SVOPL: variants seen among roughly 807,000 people sequenced by gnomAD.
The protein encoded by SVOPL is SVOP like, also known as putative transporter SVOPL.
In SVOPL, 60 loss-of-function variants were observed where a neutral mutation model predicts 61.0. The observed-to-expected ratio is 0.98, with a 90% CI of 0.80 to 1.22. SVOPL has a LOEUF of 1.22. Among genes scored for constraint, SVOPL ranks in the 50% most tolerant of loss-of-function variants. The probability of loss-of-function intolerance (pLI) is 0.00; values close to 1 mark genes in which losing one functional copy is unlikely to be tolerated. For missense variants in SVOPL, 662 were observed against 643.9 expected (o/e 1.03, Z -0.30); for synonymous variants, 279 against 250.0 (o/e 1.12, Z -1.09).
intron 14 of SVOPL, among the ~76,000 whole-genome samples, chr7:138,617,573 G>A (rs934831156): frequency 1.3e-5 from 2 of 152,156 alleles, no homozygotes; most frequent in Non-Finnish European, 2.9e-5. Flanking sequence ...CTGAGGCCAG[G>A]CTCAGCGGTT....
At chr7:138,660,052 C>T in intron 5 of SVOPL, 64 bp from the exon 6 acceptor site, 1 of 1,535,454 alleles carries the variant, frequency 6.5e-7, no homozygotes, top group Non-Finnish European at 8.8e-7. Flanking sequence ...GAAGCCCTAA[C>T]TTCTGAAGGC....
intron 3 of SVOPL, among the ~76,000 whole-genome samples, chr7:138,678,089 C>T (rs1275605916): frequency 6.6e-6 from 1 of 152,124 alleles, no homozygotes; most frequent in Non-Finnish European, 1.5e-5. Flanking sequence ...TTAACTTGAA[C>T]ATCTCCTTTC....
chr7:138,698,057 A>C (rs79200700), intron 1 of SVOPL, among the ~76,000 whole-genome samples: 2,509 of 151,650 alleles, frequency 0.017, 73 homozygotes, highest in African/African-American at 0.056. Flanking sequence ...GTTGGCAGGA[A>C]TGGAGAGAGG....
At chr7:138,637,463 T>TATATATATATAGATATAG (rs1554463004) in intron 9 of SVOPL, among the ~76,000 whole-genome samples, 8 of 19,076 alleles carry the variant, frequency 4.2e-4, no homozygotes, top group African/African-American at 1.1e-3. Context: ...TAGATATATA[T>TATATATATATAGATATAG]ATATAGATAT....
chr7:138,644,590 G>T, intron 9 of SVOPL, 127 bp downstream of exon 9: 3 of 1,315,186 alleles, frequency 2.3e-6, no homozygotes, highest in Non-Finnish European at 3.0e-6. Flanking sequence ...CATCTTTCCT[G>T]GCCATCGCCC....
intron 1 of SVOPL, among the ~76,000 whole-genome samples, chr7:138,697,758 AAAGAAG>A (rs969309567): frequency 1.3e-5 from 2 of 150,964 alleles, no homozygotes; most frequent in Non-Finnish European, 2.9e-5. Context: ...AGGAGAAGAA[AAAGAAG>A]AAGGAGAAGG....
At position 138,661,915 on chromosome 7, in the gene SVOPL, G is replaced by A. The variant is rs966469235; in HGVS notation, c.345+1159C>T. On this transcript the variant is annotated intron_variant, in intron 5 of 15. Transcript: ENST00000674285. ...TCAATATTTCTGGCATAGCTGGCAA[G>A]GTTCAGAGCAACACCACCCCTTACC... 3.0e-6 allele frequency: 3 copies of A among 985,276 alleles called. No homozygotes were observed. The African/African-American group carries it at 5.2e-5, about 17-fold the overall frequency. 61.0% of individuals were successfully genotyped at this position (985,276 alleles called of 1,614,324 possible).
intron 8 of SVOPL, among the ~76,000 whole-genome samples, chr7:138,647,316 G>A (rs1801166125): frequency 1.3e-5 from 2 of 152,150 alleles, no homozygotes; most frequent in Admixed American, 6.5e-5. Context: ...GGGAGGCAGA[G>A]GTTGCGAAGA....
At chr7:138,682,309 A>G (rs1272007863) in intron 1 of SVOPL, among the ~76,000 whole-genome samples, 3 of 152,182 alleles carry the variant, frequency 2.0e-5, no homozygotes, top group Non-Finnish European at 4.4e-5. Flanking sequence ...CACCATGGAA[A>G]CAGAGACAGG....
intron 4 of SVOPL, chr7:138,663,459 T>A: frequency 1.7e-6 from 2 of 1,200,448 alleles, no homozygotes; most frequent in Non-Finnish European, 2.1e-6. Flanking sequence ...CCACTGTAAT[T>A]TTTAAAATTG....
chr7:138,678,485 G>A lies in SVOPL; in HGVS notation c.123C>T (p.Ile41=), dbSNP rs374224696. The A allele has an allele frequency of 3.4e-5, 53 of 1,552,120 alleles. No homozygotes were observed. The highest frequency in any genetic ancestry group is 5.5e-5 in the African/African-American group (4 of 73,160). The part of the protein sequence containing the change: ...TFTVEDAVET[I]GFGRFHIALF... ...GGGCAATGTGGAAACGCCCGAAGCC[G>A]ATAGTCTCCACTGCATCTTCCACGG... Residue 41 remains isoleucine, a synonymous_variant, in exon 3 of 16, where the codon ATC becomes ATT. Transcript: ENST00000674285.
intron 7 of SVOPL, among the ~76,000 whole-genome samples, chr7:138,653,165 C>T (rs565923749): frequency 1.3e-5 from 2 of 152,070 alleles, no homozygotes; most frequent in East Asian, 1.9e-4. Flanking sequence ...GGGGTTGGCT[C>T]GTGAGGTTTA....
At chr7:138,614,462 C>G (rs1799196674) in intron 14 of SVOPL, among the ~76,000 whole-genome samples, 1 of 148,694 alleles carries the variant, frequency 6.7e-6, no homozygotes, top group South Asian at 2.1e-4. Flanking sequence ...ATGGCGCGAT[C>G]TCAGCTCACT....
In SVOPL at chr7:138,660,072, T is replaced by A. The variant is rs527713026; in HGVS notation, c.346-84A>T. 369 of 1,519,056 alleles carry A rather than the reference T, an allele frequency of 2.4e-4. 1 individual carries two copies. Among genetic ancestry groups the A allele is most frequent in the Non-Finnish European group, 3.2e-4 (358 of 1,129,796 alleles). The allele number at this position is 1,519,056 out of a possible 1,614,324, so 94.1% of individuals were successfully genotyped here. On this transcript the variant is annotated intron_variant, in intron 5 of 15. Coordinates refer to ENST00000674285, the MANE Select transcript of SVOPL (RefSeq NM_001139456.2). ...CCTAACTTCTGAAGGCGATTTTCGG[T>A]TTCCATCCTGATAGTTGCTTCTCTG...
chr7:138,629,153 G>GTGTGTGTGTGTATA (rs10624737), intron 10 of SVOPL, among the ~76,000 whole-genome samples: 63 of 147,376 alleles, frequency 4.3e-4, no homozygotes, highest in African/African-American at 1.4e-3. Context: ...GTGTGTGTGT[G>GTGTGTGTGTGTATA]TATATATGTA....
chr7:138,673,128 T>C (rs1457994017), intron 3 of SVOPL, among the ~76,000 whole-genome samples: 1 of 151,746 alleles, frequency 6.6e-6, no homozygotes, highest in Non-Finnish European at 1.5e-5. Flanking sequence ...GCACATGTTC[T>C]GTCGATAACA....
chr7:138,672,525 C>A (rs1207031537), intron 3 of SVOPL, among the ~76,000 whole-genome samples: 1 of 151,922 alleles, frequency 6.6e-6, no homozygotes, highest in Non-Finnish European at 1.5e-5. Flanking sequence ...AGAGCACACG[C>A]CTTATAAATG....
intron 1 of SVOPL, among the ~76,000 whole-genome samples, chr7:138,700,056 T>C (rs1305534847): frequency 1.3e-5 from 2 of 152,166 alleles, no homozygotes; most frequent in Non-Finnish European, 2.9e-5. Context: ...ATTATCAGGA[T>C]TGTAGCGTTC....
intron 14 of SVOPL, among the ~76,000 whole-genome samples, chr7:138,619,017 C>T (rs1327546718): frequency 6.6e-6 from 1 of 152,088 alleles, no homozygotes; most frequent in East Asian, 1.9e-4. Flanking sequence ...CCCACAAATG[C>T]CCAGGGAAAA....
Sources: gnomAD v4.1 joint callset for allele counts (sites outside exome capture counted in the v4.1 genomes callset) on GRCh38, gnomAD v4.1.1 for gene constraint, MANE v1.5 for transcripts, NCBI Gene and HGNC (gene_info 2026-07-23, HGNC 2026-07-21) for gene names.